Variants in CA10 observed in about 807,000 individuals in gnomAD.
CA10 encodes the protein carbonic anhydrase 10 (inactive), also known as carbonic anhydrase-related protein 10.
Under a neutral mutation model 44.2 loss-of-function variants are expected in CA10, and 14 were observed. The observed-to-expected ratio is 0.32, with a 90% CI of 0.21 to 0.50. CA10 has a LOEUF of 0.50. Ranked by LOEUF, CA10 falls within the 20% of genes least tolerant of loss-of-function variation. The pLI is 0.99. For synonymous variants in CA10, 159 were observed against 141.6 expected (o/e 1.12, Z -0.87); for missense variants, 350 against 409.7 (o/e 0.85, Z 1.26).
At chr17:51,982,498 C>T (rs1432393849) in intron 2 of CA10, among the ~76,000 whole-genome samples, 1 of 151,902 alleles carries the variant, frequency 6.6e-6, no homozygotes, top group African/African-American at 2.4e-5. Flanking sequence ...AAAAACAAAG[C>T]ATTAAGTCAA....
intron 6 of CA10, among the ~76,000 whole-genome samples, chr17:51,644,939 C>T (rs1377901907): frequency 6.6e-6 from 1 of 151,696 alleles, no homozygotes; most frequent in Admixed American, 6.6e-5. Flanking sequence ...GCTGGAATTA[C>T]AGGCGCGCGC....
intron 1 of CA10, among the ~76,000 whole-genome samples, chr17:52,083,488 G>A (rs986966261): frequency 3.9e-5 from 6 of 152,148 alleles, no homozygotes; most frequent in Non-Finnish European, 8.8e-5. Context: ...TAGTGGTGAA[G>A]TCTAGGCTTT....
intron 3 of CA10, among the ~76,000 whole-genome samples, chr17:51,831,713 A>AGCCGCCGCC (rs1249181154): frequency 9.4e-6 from 1 of 106,006 alleles, no homozygotes; most frequent in African/African-American, 3.2e-5. Context: ...CAGCAGCAGC[A>AGCCGCCGCC]GCAGCAGCAG....
intron 1 of CA10, among the ~76,000 whole-genome samples, chr17:52,104,324 G>A (rs1290106557): frequency 3.3e-5 from 5 of 152,016 alleles, no homozygotes; most frequent in Admixed American, 2.6e-4. Flanking sequence ...TCAGCCTCCC[G>A]AGTAGCTAGC....
chr17:51,987,681 C>A (rs1346536359), intron 2 of CA10, among the ~76,000 whole-genome samples: 2 of 151,836 alleles, frequency 1.3e-5, no homozygotes, highest in Non-Finnish European at 2.9e-5. Flanking sequence ...ATCTGACTAC[C>A]AAATCTGATA....
At chr17:51,969,223 G>A (rs539589847) in intron 2 of CA10, among the ~76,000 whole-genome samples, 1 of 151,992 alleles carries the variant, frequency 6.6e-6, no homozygotes, top group African/African-American at 2.4e-5. Flanking sequence ...ACAGTAATAT[G>A]GTTATTACAA....
intron 4 of CA10, among the ~76,000 whole-genome samples, chr17:51,674,084 T>C (rs1914528968): frequency 6.6e-6 from 1 of 152,206 alleles, no homozygotes; most frequent in South Asian, 2.1e-4. Flanking sequence ...GCCCACAACA[T>C]ACCTCTATTA....
intron 3 of CA10, among the ~76,000 whole-genome samples, chr17:51,887,217 A>G (rs1176729672): frequency 6.6e-6 from 1 of 151,970 alleles, no homozygotes; most frequent in Non-Finnish European, 1.5e-5. Flanking sequence ...AAGTCTTTGT[A>G]TAGATTTGTC....
chr17:51,690,148 A>G (rs966160532), intron 4 of CA10, among the ~76,000 whole-genome samples: 1 of 152,158 alleles, frequency 6.6e-6, no homozygotes, highest in Non-Finnish European at 1.5e-5. Context: ...GGGTTTTACC[A>G]TGTTGGCCAG....
intron 2 of CA10, among the ~76,000 whole-genome samples, chr17:52,013,994 G>A (rs1448591529): frequency 6.6e-6 from 1 of 151,766 alleles, no homozygotes; most frequent in Non-Finnish European, 1.5e-5. Flanking sequence ...GGAAACTAGA[G>A]GAAGCAAAGA....
chr17:51,780,527 A>G (rs531966699), intron 3 of CA10, among the ~76,000 whole-genome samples: 2 of 152,354 alleles, frequency 1.3e-5, no homozygotes, highest in South Asian at 2.1e-4. Flanking sequence ...CTTTCCATAC[A>G]TATTAAGTGA....
chr17:51,919,242 G>A (rs1028624851), intron 3 of CA10, among the ~76,000 whole-genome samples: 13 of 152,120 alleles, frequency 8.5e-5, no homozygotes, highest in Non-Finnish European at 1.5e-4. Flanking sequence ...AGGATTCAAA[G>A]TGTCTGAGGT....
chr17:51,736,703 C>A (rs1204796113), intron 4 of CA10, among the ~76,000 whole-genome samples: 2 of 152,168 alleles, frequency 1.3e-5, no homozygotes, highest in Non-Finnish European at 2.9e-5. Context: ...TTTGCAGAGG[C>A]AAACAGATGT....
intron 6 of CA10, among the ~76,000 whole-genome samples, chr17:51,648,198 T>C (rs1913415623): frequency 1.3e-5 from 2 of 152,158 alleles, no homozygotes; most frequent in Admixed American, 6.5e-5. Context: ...CACATCACCA[T>C]TGGAGAGAGA....
rs533217316 is a variant in CA10 at position 52,121,638 on chromosome 17, G to A, written c.61+36088C>T. ...GAAATCACATAAAATGGAAAAAAATGAGGGAATCTCTATCTATCTCTAAAC... is the reference window on the plus strand; with the variant it reads ...GAAATCACATAAAATGGAAAAAAATAAGGGAATCTCTATCTATCTCTAAAC... On this transcript the variant is annotated intron_variant, in intron 1 of 8. Transcript: ENST00000451037. 1.3e-3 allele frequency among the ~76,000 whole-genome samples: 197 copies of A among 148,464 alleles called. 1 individual carries two copies. The highest frequency in any genetic ancestry group is 2.3e-3 in the Non-Finnish European group (153 of 67,530).
chr17:51,880,342 TG>T (rs369998323), intron 3 of CA10, among the ~76,000 whole-genome samples: 30 of 152,264 alleles, frequency 2.0e-4, no homozygotes, highest in African/African-American at 6.3e-4. Context: ...GGTCTTGCTC[TG>T]TCACCCAGGC....
At chr17:51,898,631 A>G (rs1376444452) in intron 3 of CA10, among the ~76,000 whole-genome samples, 1 of 152,110 alleles carries the variant, frequency 6.6e-6, no homozygotes, top group Non-Finnish European at 1.5e-5. Context: ...GAATGGTGCC[A>G]GCTCTTTAAC....
chr17:52,006,147 G>A (rs1270039624), intron 2 of CA10, among the ~76,000 whole-genome samples: 2 of 151,692 alleles, frequency 1.3e-5, no homozygotes, highest in Admixed American at 1.3e-4. Flanking sequence ...CTCTGTACAA[G>A]GAAGTAGCAC....
chr17:51,831,080 C>T (rs1229638733), intron 3 of CA10, among the ~76,000 whole-genome samples: 2 of 152,180 alleles, frequency 1.3e-5, no homozygotes, highest in Non-Finnish European at 2.9e-5. Flanking sequence ...TGAGATTCAT[C>T]ACGGAAGAGG....
Sources: gnomAD v4.1 joint callset for allele counts (sites outside exome capture counted in the v4.1 genomes callset) on GRCh38, gnomAD v4.1.1 for gene constraint, MANE v1.5 for transcripts, NCBI Gene and HGNC (gene_info 2026-07-23, HGNC 2026-07-21) for gene names.